TMEM156: variants seen among roughly 807,000 people sequenced by gnomAD.
TMEM156 encodes transmembrane protein 156.
Under a neutral mutation model 30.5 loss-of-function variants are expected in TMEM156, and 28 were observed. That is an observed-to-expected ratio of 0.92 (90% CI 0.68 to 1.26). The LOEUF is 1.26. Ranked by LOEUF, TMEM156 falls within the 50% of genes most tolerant of loss-of-function variation. The pLI, the probability that TMEM156 is intolerant of heterozygous loss-of-function variation, is 0.00. For synonymous variants in TMEM156, 137 were observed against 119.9 expected, an observed-to-expected ratio of 1.14 and a Z score of -0.93; for missense variants, 351 against 340.6, an observed-to-expected ratio of 1.03 and a Z score of -0.24.
chr4:39,002,451 T>C (rs1448670501), intron 1 of TMEM156, among the ~76,000 whole-genome samples: 1 of 131,312 alleles, frequency 7.6e-6, no homozygotes, highest in Non-Finnish European at 1.7e-5. Flanking sequence ...GTAAACTAGT[T>C]CAACCATTGT....
At chr4:39,006,283 T>A (rs1271276804) in intron 1 of TMEM156, among the ~76,000 whole-genome samples, 1 of 152,196 alleles carries the variant, frequency 6.6e-6, no homozygotes, top group Admixed American at 6.5e-5. Flanking sequence ...ATGGTTTTAA[T>A]GTATATTTTC....
At chr4:39,009,023 A>C (rs1713931229) in intron 1 of TMEM156, among the ~76,000 whole-genome samples, 1 of 152,138 alleles carries the variant, frequency 6.6e-6, no homozygotes, top group African/African-American at 2.4e-5. Flanking sequence ...AGATTAAAAA[A>C]GAAAAAGAGA....
intron 6 of TMEM156, among the ~76,000 whole-genome samples, chr4:38,970,363 T>G (rs1211388261): frequency 6.6e-6 from 1 of 152,136 alleles, no homozygotes; most frequent in Non-Finnish European, 1.5e-5. Flanking sequence ...AATATCAATT[T>G]CCTGATAGGA....
intron 3 of TMEM156, among the ~76,000 whole-genome samples, chr4:38,990,195 C>T (rs1368554229): frequency 6.6e-6 from 1 of 152,220 alleles, no homozygotes; most frequent in Admixed American, 6.5e-5. Context: ...CATGTTTATA[C>T]TCTTGGTATG....
intron 1 of TMEM156, among the ~76,000 whole-genome samples, chr4:39,010,101 T>C (rs541667522): frequency 6.6e-6 from 1 of 152,004 alleles, no homozygotes; most frequent in Admixed American, 6.6e-5. Context: ...CCAATAACAT[T>C]CAAGCTGAGA....
At chr4:38,975,334 A>G (rs1339114423) in intron 5 of TMEM156, among the ~76,000 whole-genome samples, 2 of 150,660 alleles carry the variant, frequency 1.3e-5, no homozygotes, top group African/African-American at 2.4e-5. Flanking sequence ...CCAGTCTCAC[A>G]CTAGAAGTTC....
chr4:38,978,806 A>C (rs1224779107), intron 5 of TMEM156, among the ~76,000 whole-genome samples: 3 of 152,056 alleles, frequency 2.0e-5, no homozygotes, highest in Non-Finnish European at 2.9e-5. Context: ...CTTTTGAGAC[A>C]GGGTCTCGCT....
At chr4:38,986,928 C>T (rs1712048896) in intron 4 of TMEM156, among the ~76,000 whole-genome samples, 1 of 137,348 alleles carries the variant, frequency 7.3e-6, no homozygotes, top group Admixed American at 7.7e-5. Flanking sequence ...GAAGAATATT[C>T]AATGTATGTT....
chr4:38,980,984 T>C, intron 5 of TMEM156: 1 of 983,542 alleles, frequency 1.0e-6, no homozygotes, highest in South Asian at 4.7e-5. Context: ...TTCACATTTG[T>C]GAATTTCTTC....
intron 1 of TMEM156, among the ~76,000 whole-genome samples, chr4:39,018,558 C>A (rs571598411): frequency 6.6e-6 from 1 of 152,228 alleles, no homozygotes; most frequent in African/African-American, 2.4e-5. Context: ...GTGTTGTTTA[C>A]CTGAAAATAT....
Position 38,993,786 on chromosome 4 carries a change from G to C in TMEM156, c.571C>G (p.Pro191Ala). 1 of 1,612,952 alleles carries C rather than the reference G, an allele frequency of 6.2e-7. No homozygotes were observed. Among genetic ancestry groups the C allele is most frequent in the Non-Finnish European group, 8.5e-7 (1 of 1,179,090 alleles). ...INYTCRIMEY[P>A]NDCIHISLHL... ...AAAGAAATGTGTATACAATCATTCGGGTATTCCATGATTCTACAAGTGTAG... is the reference window on the plus strand; with the variant it reads ...AAAGAAATGTGTATACAATCATTCGCGTATTCCATGATTCTACAAGTGTAG... Residue 191 changes from proline (P) to alanine (A), a missense_variant, in exon 3 of 7, where the codon CCG (proline) becomes GCG (alanine). By Grantham distance (27) the Pro-to-Ala change is conservative. Coordinates refer to ENST00000381938, the MANE Select transcript of TMEM156 (RefSeq NM_024943.3).
At chr4:38,995,875 C>A (rs1263623504) in intron 2 of TMEM156, among the ~76,000 whole-genome samples, 1 of 152,156 alleles carries the variant, frequency 6.6e-6, no homozygotes, top group East Asian at 1.9e-4. Context: ...CATACTGGAG[C>A]CTTGAACCAC....
chr4:38,995,496 C>A (rs1219150691), intron 2 of TMEM156, among the ~76,000 whole-genome samples: 2 of 152,216 alleles, frequency 1.3e-5, no homozygotes, highest in South Asian at 2.1e-4. Flanking sequence ...GCGGGTGGAT[C>A]ACGAGGTCAA....
chr4:38,990,853 T>TTG, intron 3 of TMEM156, among the ~76,000 whole-genome samples: 1 of 124,376 alleles, frequency 8.0e-6, no homozygotes, highest in Non-Finnish European at 1.9e-5. Flanking sequence ...TTTTTTTTTT[T>TTG]GAGAGGGAGT....
intron 1 of TMEM156, among the ~76,000 whole-genome samples, chr4:39,023,103 C>T (rs910786377): frequency 2.6e-5 from 4 of 152,040 alleles, no homozygotes; most frequent in Non-Finnish European, 1.5e-5. Flanking sequence ...GATTAGTGTC[C>T]TTATAAGAAG....
intron 5 of TMEM156, among the ~76,000 whole-genome samples, chr4:38,976,750 C>T (rs555311003): frequency 1.8e-4 from 28 of 152,342 alleles, no homozygotes; most frequent in African/African-American, 6.7e-4. Flanking sequence ...AATTAAGAAT[C>T]TATCTTCATA....
intron 3 of TMEM156, among the ~76,000 whole-genome samples, chr4:38,992,718 A>ATAATATATATAT (rs1712592726): frequency 2.3e-5 from 1 of 43,416 alleles, no homozygotes; most frequent in African/African-American, 6.8e-5. Flanking sequence ...TATATTATAT[A>ATAATATATATAT]TATATAATAT....
chr4:39,021,139 A>T (rs77135005), intron 1 of TMEM156, among the ~76,000 whole-genome samples: 2,021 of 152,338 alleles, frequency 0.013, 48 homozygotes, highest in African/African-American at 0.046. Flanking sequence ...GCAGTGGTTG[A>T]TGCCAATAAT....
intron 5 of TMEM156, among the ~76,000 whole-genome samples, chr4:38,980,043 C>G (rs1179168806): frequency 1.3e-5 from 2 of 152,106 alleles, no homozygotes; most frequent in African/African-American, 4.8e-5. Context: ...TTCTGTTATT[C>G]AAGGTGCCAA....
Sources: allele counts gnomAD v4.1 joint callset (sites outside exome capture counted in the v4.1 genomes callset), GRCh38; gene constraint gnomAD v4.1.1; transcripts MANE v1.5; gene names NCBI Gene and HGNC (gene_info 2026-07-23, HGNC 2026-07-21).